CUX1: variants seen among roughly 807,000 people sequenced by gnomAD.
CUX1 encodes the protein protein CASP.
Under a neutral mutation model 158.8 loss-of-function variants are expected in CUX1, and 31 were observed. The observed-to-expected ratio is 0.20, with a 90% CI of 0.15 to 0.26. The LOEUF (loss-of-function observed/expected upper bound fraction) is 0.26, where lower values mean the gene tolerates loss of function less well. CUX1 is among the 10% of genes least tolerant of loss of function. The probability of loss-of-function intolerance (pLI) is 1.00; values close to 1 mark genes in which losing one functional copy is unlikely to be tolerated. For synonymous variants in CUX1, 879 were observed against 862.1 expected, an observed-to-expected ratio of 1.02 and a Z score of -0.34; for missense variants, 1,589 against 2,014.6, an observed-to-expected ratio of 0.79 and a Z score of 4.04.
intron 2 of CUX1, among the ~76,000 whole-genome samples, chr7:101,919,686 T>A (rs1804664147): frequency 1.3e-5 from 2 of 152,226 alleles, no homozygotes; most frequent in South Asian, 4.1e-4. Flanking sequence ...GTCTAATGTG[T>A]TCCACAGGGA....
chr7:101,847,275 T>C (rs1795800089), intron 1 of CUX1, among the ~76,000 whole-genome samples: 1 of 152,226 alleles, frequency 6.6e-6, no homozygotes, highest in South Asian at 2.1e-4. Flanking sequence ...TCCTCTCCTC[T>C]AGTGTGCTGG....
intron 1 of CUX1, among the ~76,000 whole-genome samples, chr7:101,903,481 A>C (rs1182158020): frequency 6.6e-6 from 1 of 152,194 alleles, no homozygotes; most frequent in African/African-American, 2.4e-5. Flanking sequence ...TGTTGTTTTG[A>C]GATAACAGCC....
intron 3 of CUX1, among the ~76,000 whole-genome samples, chr7:102,030,689 G>GGGGTTTTTTT (rs1820642475): frequency 1.2e-5 from 1 of 82,540 alleles, no homozygotes; most frequent in African/African-American, 5.3e-5. Flanking sequence ...ATTTTAAAAA[G>GGGGTTTTTTT]TGTTTTTTTT....
intron 8 of CUX1, among the ~76,000 whole-genome samples, chr7:102,131,940 G>A (rs2131310759): frequency 6.6e-6 from 1 of 152,182 alleles, no homozygotes; most frequent in East Asian, 1.9e-4. Flanking sequence ...CCAAAGTGCT[G>A]GGATTACAGG....
chr7:101,831,776 C>T (rs1794055149), intron 1 of CUX1, among the ~76,000 whole-genome samples: 1 of 137,288 alleles, frequency 7.3e-6, no homozygotes, highest in Non-Finnish European at 1.6e-5. Context: ...GAGTCTCGCT[C>T]TGTCGCCCAG....
At chr7:101,970,916 A>T (rs2129192204) in intron 2 of CUX1, among the ~76,000 whole-genome samples, 2 of 152,260 alleles carry the variant, frequency 1.3e-5, no homozygotes, top group South Asian at 4.2e-4. Flanking sequence ...TGGAGTGTAG[A>T]GGCATCCTGG....
intron 5 of CUX1, among the ~76,000 whole-genome samples, chr7:102,102,295 G>A (rs191088723): frequency 4.2e-4 from 64 of 151,700 alleles, no homozygotes; most frequent in Non-Finnish European, 7.8e-4. Flanking sequence ...GGTGTGGTGC[G>A]CGCCTGTAAT....
chr7:101,976,928 T>TTTTTTTTTTTG (rs1812771324), intron 2 of CUX1, among the ~76,000 whole-genome samples: 1 of 143,586 alleles, frequency 7.0e-6, no homozygotes, highest in Admixed American at 7.0e-5. Flanking sequence ...TTTTTTTTTT[T>TTTTTTTTTTTG]GGAGATGTAG....
rs10589615 is a variant in CUX1 at position 101,893,158 on chromosome 7, C to CTTTTTTTTTTTTTTTTTTTTT, written c.31-22950_31-22930dup. Among the ~76,000 whole-genome samples the CTTTTTTTTTTTTTTTTTTTTT allele has an allele frequency of 9.2e-5, 6 of 64,954 alleles. 1 individual carries two copies. Among genetic ancestry groups the CTTTTTTTTTTTTTTTTTTTTT allele is most frequent in the Admixed American group, 4.8e-4 (2 of 4,164 alleles). The allele number at this position is 64,954 out of a possible 152,430, so 42.6% of individuals were successfully genotyped here. On this transcript the variant is annotated intron_variant, in intron 1 of 23. Transcript: ENST00000292535. ...TTCTTTTTACTTTTTATTTTTATTA[C>CTTTTTTTTTTTTTTTTTTTTT]TTTTTTTTTTTTTTTTTTTTTTTTT...
intron 7 of CUX1, among the ~76,000 whole-genome samples, 172 bp from the exon 8 acceptor site, chr7:102,115,035 C>T (rs1277906090): frequency 1.3e-5 from 2 of 152,010 alleles, no homozygotes; most frequent in East Asian, 3.9e-4. Context: ...TTTCCTATTC[C>T]ATTTTTTGTA....
intron 2 of CUX1, among the ~76,000 whole-genome samples, chr7:101,965,797 C>T (rs1255335090): frequency 4.3e-5 from 6 of 140,464 alleles, no homozygotes; most frequent in Admixed American, 3.0e-4. Context: ...TGCAGTGAGC[C>T]GAGATCGCAC....
chr7:102,082,546 T>C (rs782008136), intron 4 of CUX1, among the ~76,000 whole-genome samples: 16 of 147,194 alleles, frequency 1.1e-4, no homozygotes, highest in African/African-American at 3.9e-4. Context: ...ACACATACAA[T>C]GAAATGCGCT....
chr7:102,022,843 A>G (rs893962345), intron 2 of CUX1, among the ~76,000 whole-genome samples: 3 of 152,352 alleles, frequency 2.0e-5, no homozygotes, highest in Admixed American at 1.3e-4. Flanking sequence ...GATGGAAACA[A>G]GGTGAAAACA....
At chr7:101,987,142 C>T (rs1814416255) in intron 2 of CUX1, among the ~76,000 whole-genome samples, 1 of 152,190 alleles carries the variant, frequency 6.6e-6, no homozygotes. Flanking sequence ...ATGGGTAGCC[C>T]ATGGGTAGAG....
chr7:102,256,027 T>TA lies in CUX1; in HGVS notation c.*6985_*6986insA, dbSNP rs1789853927. On this transcript the variant is annotated 3_prime_UTR_variant, in exon 24 of 24. Transcript: ENST00000292535. ...TGAGTTTGTTCACTGTAGTTCCGTT[T>TA]GTTCATGAACCGAAGGGAAAACAGG... 1.0e-6 allele frequency: 1 copy of TA among 985,368 alleles called. No individual in the cohort carries two copies. The highest frequency in any genetic ancestry group is 1.2e-6 in the Non-Finnish European group (1 of 829,964). The allele number at this position is 985,368 out of a possible 1,614,324, so 61.0% of individuals were successfully genotyped here. A position where few individuals can be genotyped will look rare whatever the true frequency, so the allele number is the denominator to read the frequency against.
chr7:102,096,788 G>A (rs1371741605), intron 4 of CUX1, among the ~76,000 whole-genome samples: 1 of 152,190 alleles, frequency 6.6e-6, no homozygotes, highest in Non-Finnish European at 1.5e-5. Flanking sequence ...CAACTAGCTG[G>A]GTGACCTCAG....
intron 2 of CUX1, among the ~76,000 whole-genome samples, chr7:101,927,431 G>A (rs991424781): frequency 3.3e-5 from 5 of 152,150 alleles, no homozygotes; most frequent in African/African-American, 1.2e-4. Context: ...GCTGAGGTGG[G>A]AGGACTGCTT....
At chr7:102,238,879 C>CTTTTG (rs782088297) in intron 22 of CUX1, among the ~76,000 whole-genome samples, 1,885 of 152,128 alleles carry the variant, frequency 0.012, 30 homozygotes, top group African/African-American at 0.039. Flanking sequence ...AGCGTTGTTT[C>CTTTTG]TTTTGTTTTG....
At chr7:102,085,299 T>C (rs564981469) in intron 4 of CUX1, among the ~76,000 whole-genome samples, 3 of 152,344 alleles carry the variant, frequency 2.0e-5, no homozygotes, top group South Asian at 4.1e-4. Context: ...TGCTACTGTT[T>C]TACTGAGGAC....
Sources: allele counts gnomAD v4.1 joint callset (sites outside exome capture counted in the v4.1 genomes callset), GRCh38; gene constraint gnomAD v4.1.1; transcripts MANE v1.5; gene names NCBI Gene and HGNC (gene_info 2026-07-23, HGNC 2026-07-21).